Variants in SUGCT observed in about 807,000 individuals in gnomAD.
The protein encoded by SUGCT is succinyl-CoA:glutarate CoA-transferase.
In SUGCT, 41 loss-of-function variants were observed where a neutral mutation model predicts 55.0. The ratio of observed to expected loss-of-function variants is 0.74; its 90% CI spans 0.58 to 0.97. SUGCT has a LOEUF of 0.97. SUGCT is among the 50% of genes least tolerant of loss of function. SUGCT has a pLI of 0.00. For missense variants in SUGCT, 568 were observed against 547.8 expected (o/e 1.04, Z -0.37); for synonymous variants, 187 against 200.4 (o/e 0.93, Z 0.56).
At chr7:40,318,439 T>C (rs2151114819) in intron 9 of SUGCT, among the ~76,000 whole-genome samples, 1 of 152,262 alleles carries the variant, frequency 6.6e-6, no homozygotes, top group Non-Finnish European at 1.5e-5. Flanking sequence ...TCAGTCTTTA[T>C]TTATTTATTT....
intron 12 of SUGCT, among the ~76,000 whole-genome samples, chr7:40,638,936 C>T (rs1430904021): frequency 6.6e-6 from 1 of 152,192 alleles, no homozygotes; most frequent in African/African-American, 2.4e-5. Flanking sequence ...TCTAATTATT[C>T]TACCTGGCCC....
chr7:40,774,182 C>T (rs1789333218), intron 13 of SUGCT, among the ~76,000 whole-genome samples: 1 of 151,962 alleles, frequency 6.6e-6, no homozygotes, highest in Admixed American at 6.6e-5. Context: ...GCCTTCTTTC[C>T]CTTTTAGAAG....
intron 13 of SUGCT, among the ~76,000 whole-genome samples, chr7:40,762,408 A>T (rs1788577342): frequency 1.3e-5 from 2 of 152,184 alleles, no homozygotes; most frequent in African/African-American, 4.8e-5. Flanking sequence ...AGTAGCGGTG[A>T]CAGTGAGGTT....
chr7:40,660,895 C>T (rs944776336), intron 12 of SUGCT, among the ~76,000 whole-genome samples: 10 of 152,140 alleles, frequency 6.6e-5, no homozygotes, highest in African/African-American at 2.2e-4. Context: ...CCTGGATTCC[C>T]GTCCCAGCAT....
At chr7:40,621,391 A>C (rs1021770857) in intron 12 of SUGCT, among the ~76,000 whole-genome samples, 1 of 152,190 alleles carries the variant, frequency 6.6e-6, no homozygotes, top group African/African-American at 2.4e-5. Flanking sequence ...CTTAGAGCTG[A>C]GATGCTGAGC....
intron 12 of SUGCT, among the ~76,000 whole-genome samples, chr7:40,647,798 CAG>C (rs1800595748): frequency 6.7e-6 from 1 of 150,298 alleles, no homozygotes; most frequent in Non-Finnish European, 1.5e-5. Context: ...TTGCAGTGAG[CAG>C]AGATTGAGCC....
intron 8 of SUGCT, among the ~76,000 whole-genome samples, chr7:40,302,969 C>T (rs1794626017): frequency 6.6e-6 from 1 of 152,220 alleles, no homozygotes; most frequent in Middle Eastern, 3.4e-3. Flanking sequence ...TAAATAAATA[C>T]CCCTTCCCCA....
intron 12 of SUGCT, among the ~76,000 whole-genome samples, chr7:40,732,524 G>A (rs1056783998): frequency 2.0e-5 from 3 of 152,130 alleles, no homozygotes; most frequent in Non-Finnish European, 4.4e-5. Context: ...GGTGGGCATC[G>A]GACATAGGGT....
At chr7:40,728,208 T>TA (rs1562967121) in intron 12 of SUGCT, among the ~76,000 whole-genome samples, 1 of 152,336 alleles carries the variant, frequency 6.6e-6, no homozygotes, top group East Asian at 1.9e-4. Flanking sequence ...CCTTGAAAGT[T>TA]ATGTCCTTAT....
At chr7:40,869,893 G>A in the SUGCT span, among the ~76,000 whole-genome samples, 1 of 152,114 alleles carries the variant, frequency 6.6e-6, no homozygotes, top group Non-Finnish European at 1.5e-5. Flanking sequence ...AATTTCAGAG[G>A]TGATTTTGGA....
intron 1 of SUGCT, among the ~76,000 whole-genome samples, chr7:40,145,877 T>G (rs1788219159): frequency 6.6e-6 from 1 of 152,206 alleles, no homozygotes; most frequent in Non-Finnish European, 1.5e-5. Flanking sequence ...GAATACCCAT[T>G]GTGTCTTTTT....
intron 12 of SUGCT, among the ~76,000 whole-genome samples, chr7:40,547,860 T>C (rs1275248343): frequency 6.6e-6 from 1 of 152,172 alleles, no homozygotes; most frequent in East Asian, 1.9e-4. Context: ...ATTTTATAAT[T>C]TATTTAACTA....
chr7:40,249,313 CTATATATATATATATA>C lies in SUGCT; in HGVS notation c.576+11606_576+11621del, dbSNP rs57348487. On this transcript the variant is annotated intron_variant, in intron 7 of 13. Transcript: ENST00000335693. Reference sequence around the variant, plus strand: ...TCTTAAAACAAAAAACACCAAAAAGCTATATATATATATATATATATATATATATATATAATTATAT... The same window carrying C: ...TCTTAAAACAAAAAACACCAAAAAGCTATATATATATATATATAATTATAT... 8.9e-3 allele frequency among the ~76,000 whole-genome samples: 707 copies of C among 79,514 alleles called. 28 individuals are homozygous for C. Among genetic ancestry groups the C allele is most frequent in the African/African-American group, 0.029 (545 of 18,564 alleles). 52.2% of individuals were successfully genotyped at this position (79,514 alleles called of 152,430 possible).
chr7:40,969,469 TCTTGC>T, the SUGCT span, among the ~76,000 whole-genome samples: 1 of 152,180 alleles, frequency 6.6e-6, no homozygotes, highest in Admixed American at 6.5e-5. Context: ...CAAGGGATCC[TCTTGC>T]CTTTGCCTCC....
At chr7:40,934,801 G>T in the SUGCT span, among the ~76,000 whole-genome samples, 1 of 152,226 alleles carries the variant, frequency 6.6e-6, no homozygotes, top group African/African-American at 2.4e-5. Flanking sequence ...TGGGAAAAAT[G>T]CAGTATTTGG....
intron 9 of SUGCT, among the ~76,000 whole-genome samples, chr7:40,367,639 A>G (rs182148887): frequency 6.6e-6 from 1 of 152,286 alleles, no homozygotes; most frequent in African/African-American, 2.4e-5. Flanking sequence ...AAAAAGAAAT[A>G]TAATAGAAAT....
At chr7:40,987,145 C>T in the SUGCT span, among the ~76,000 whole-genome samples, 17 of 152,158 alleles carry the variant, frequency 1.1e-4, no homozygotes, top group South Asian at 1.2e-3. Flanking sequence ...CCCAGTAGGA[C>T]GGACAAGGAC....
intron 8 of SUGCT, among the ~76,000 whole-genome samples, chr7:40,282,496 CAA>C (rs1793026915): frequency 1.9e-4 from 5 of 26,172 alleles, no homozygotes; most frequent in Admixed American, 1.1e-3. Context: ...AAAACAAAAA[CAA>C]ACAAACAAAC....
At chr7:40,501,422 A>G (rs957397534) in intron 12 of SUGCT, among the ~76,000 whole-genome samples, 1 of 152,134 alleles carries the variant, frequency 6.6e-6, no homozygotes, top group African/African-American at 2.4e-5. Flanking sequence ...ATTGCAAAAA[A>G]CTTCCTGTGT....
Sources: gnomAD v4.1 joint callset for allele counts (sites outside exome capture counted in the v4.1 genomes callset) on GRCh38, gnomAD v4.1.1 for gene constraint, MANE v1.5 for transcripts, NCBI Gene and HGNC (gene_info 2026-07-23, HGNC 2026-07-21) for gene names.